The following TENM3 variants were observed in gnomAD, a reference collection of about 807,000 sequenced individuals.
TENM3 encodes teneurin-3.
In TENM3, 63 loss-of-function variants were observed where a neutral mutation model predicts 255.1. The observed-to-expected ratio is 0.25, with a 90% CI of 0.20 to 0.30. The LOEUF is 0.30. Ranked by LOEUF, TENM3 falls within the 10% of genes least tolerant of loss-of-function variation. The pLI is 1.00. For missense variants in TENM3, 2,929 were observed against 3,461.1 expected (o/e 0.85, Z 3.86); for synonymous variants, 1,306 against 1,322.3 (o/e 0.99, Z 0.27).
At chr4:182,017,200 C>CA in the TENM3 span, among the ~76,000 whole-genome samples, 1 of 152,266 alleles carries the variant, frequency 6.6e-6, no homozygotes, top group Non-Finnish European at 1.5e-5. Flanking sequence ...TTCCCATCCA[C>CA]ACCCTGCCCT....
chr4:182,006,029 T>A, the TENM3 span, among the ~76,000 whole-genome samples: 3 of 152,178 alleles, frequency 2.0e-5, no homozygotes, highest in Non-Finnish European at 4.4e-5. Context: ...CAACTTGACT[T>A]CCTCTTTTCC....
At chr4:182,703,562 G>A (rs1278467907) in intron 12 of TENM3, among the ~76,000 whole-genome samples, 1 of 152,216 alleles carries the variant, frequency 6.6e-6, no homozygotes, top group Non-Finnish European at 1.5e-5. Context: ...GCTGAGAAAA[G>A]TGTATACAAG....
chr4:182,765,804 C>T (rs1561220718), intron 22 of TENM3, among the ~76,000 whole-genome samples: 1 of 152,178 alleles, frequency 6.6e-6, no homozygotes, highest in Non-Finnish European at 1.5e-5. Context: ...AAAATCACTT[C>T]CTATTCACAA....
the TENM3 span, among the ~76,000 whole-genome samples, chr4:181,653,479 G>A: frequency 6.6e-5 from 10 of 151,952 alleles, no homozygotes; most frequent in African/African-American, 1.5e-4. Context: ...CCGCCATCTC[G>A]GCTCACTGCA....
intron 13 of TENM3, 130 bp downstream of exon 13, chr4:182,714,363 A>G: frequency 6.7e-6 from 5 of 751,776 alleles, no homozygotes; most frequent in Non-Finnish European, 1.0e-5. Context: ...GATTAGATTG[A>G]TTGAAAAATG....
chr4:182,719,053 T>A (rs920633183), intron 13 of TENM3, among the ~76,000 whole-genome samples: 1 of 152,118 alleles, frequency 6.6e-6, no homozygotes. Context: ...CGTCCCTGTC[T>A]GGTCCTCCAG....
At chr4:181,532,406 G>A in the TENM3 span, among the ~76,000 whole-genome samples, 1 of 152,126 alleles carries the variant, frequency 6.6e-6, no homozygotes, top group Non-Finnish European at 1.5e-5. Context: ...ATGACATTGA[G>A]ATTCCTGGCT....
chr4:182,300,996 A>T (rs1194206979), intron 1 of TENM3, among the ~76,000 whole-genome samples: 1 of 152,168 alleles, frequency 6.6e-6, no homozygotes, highest in Non-Finnish European at 1.5e-5. Context: ...TTTCTGTTGC[A>T]TTTGAATTTT....
chr4:182,417,169 G>A (rs1770445601), intron 3 of TENM3, among the ~76,000 whole-genome samples: 1 of 151,858 alleles, frequency 6.6e-6, no homozygotes, highest in East Asian at 1.9e-4. Flanking sequence ...GTAGAGATGG[G>A]GTTTCACCGT....
chr4:181,917,653 TTTTTTTTTTC>T, the TENM3 span, among the ~76,000 whole-genome samples: 1 of 151,254 alleles, frequency 6.6e-6, no homozygotes, highest in African/African-American at 2.4e-5. Context: ...CAGACTTCTT[TTTTTTTTTTC>T]TTTTTTTTTT....
At chr4:182,669,421 C>T (rs989305797) in intron 6 of TENM3, among the ~76,000 whole-genome samples, 1 of 151,966 alleles carries the variant, frequency 6.6e-6, no homozygotes, top group Non-Finnish European at 1.5e-5. Context: ...AGGCGCCCGC[C>T]ACCACACCGG....
chr4:181,966,230 C>T, the TENM3 span, among the ~76,000 whole-genome samples: 1 of 152,056 alleles, frequency 6.6e-6, no homozygotes, highest in Non-Finnish European at 1.5e-5. Flanking sequence ...GTGAGTTACA[C>T]AGGGAGATTT....
At chr4:181,889,284 C>T in the TENM3 span, among the ~76,000 whole-genome samples, 1 of 152,056 alleles carries the variant, frequency 6.6e-6, no homozygotes, top group Non-Finnish European at 1.5e-5. Context: ...GTGTGGCACC[C>T]CCGTTCCCAG....
chr4:182,534,352 A>G (rs184616099), intron 3 of TENM3, among the ~76,000 whole-genome samples: 1 of 152,316 alleles, frequency 6.6e-6, no homozygotes, highest in East Asian at 1.9e-4. Context: ...ATAAAGATAC[A>G]AAGTTGAGAA....
chr4:181,856,883 G>A, the TENM3 span, among the ~76,000 whole-genome samples: 2 of 152,172 alleles, frequency 1.3e-5, no homozygotes, highest in South Asian at 4.1e-4. Flanking sequence ...CACCACAGTG[G>A]TTATAGCGAC....
At chr4:182,743,989 C>G (rs1761799465) in intron 19 of TENM3, among the ~76,000 whole-genome samples, 3 of 151,056 alleles carry the variant, frequency 2.0e-5, no homozygotes, top group Non-Finnish European at 4.4e-5. Flanking sequence ...CTACAGAATT[C>G]ATTTCCAGTA....
intron 19 of TENM3, among the ~76,000 whole-genome samples, chr4:182,746,555 A>G (rs556578707): frequency 2.0e-5 from 3 of 152,246 alleles, no homozygotes; most frequent in South Asian, 4.2e-4. Context: ...TGAGGGCTCT[A>G]AGGAATTATT....
chr4:181,454,701 C>CATTTTTATACTTTTT, the TENM3 span, among the ~76,000 whole-genome samples: 2 of 51,676 alleles, frequency 3.9e-5, no homozygotes, highest in African/African-American at 7.7e-5. Flanking sequence ...TCTGGTGTGC[C>CATTTTTATACTTTTT]TTTTCTATGT....
the TENM3 span, among the ~76,000 whole-genome samples, chr4:181,713,519 C>T: frequency 1.3e-5 from 2 of 152,146 alleles, no homozygotes; most frequent in African/African-American, 4.8e-5. Flanking sequence ...TCTTCTTGGT[C>T]ACTACCACCA....
Sources: gnomAD v4.1 joint callset for allele counts (sites outside exome capture counted in the v4.1 genomes callset) on GRCh38, gnomAD v4.1.1 for gene constraint, MANE v1.5 for transcripts, NCBI Gene and HGNC (gene_info 2026-07-23, HGNC 2026-07-21) for gene names.